The following BTD variants were observed in gnomAD, a reference collection of about 807,000 sequenced individuals.
The protein encoded by BTD is biotinidase, also known as biocytinase.
A neutral mutation model predicts 17.7 loss-of-function variants in BTD; 13 were observed. That is an observed-to-expected ratio of 0.74 (90% CI 0.48 to 1.17). The LOEUF (loss-of-function observed/expected upper bound fraction) is 1.17. Ranked by LOEUF, BTD falls within the 50% of genes most tolerant of loss-of-function variation. The pLI is 0.00. For synonymous variants in BTD, 240 were observed against 245.2 expected, an observed-to-expected ratio of 0.98 and a Z score of 0.20; for missense variants, 674 against 650.4, an observed-to-expected ratio of 1.04 and a Z score of -0.39.
chr3:15,706,360 G>T (rs1307662141), intron 3 of BTD, among the ~76,000 whole-genome samples: 1 of 68,390 alleles, frequency 1.5e-5, no homozygotes, highest in Non-Finnish European at 2.8e-5. Flanking sequence ...TTGTCCTTGC[G>T]ATAGTTTGCT....
rs1364992857 is a variant in BTD at position 15,652,378 on chromosome 3, G to T, written c.*6890G>T. 6.6e-6 allele frequency among the ~76,000 whole-genome samples: 1 copy of T among 152,038 alleles called. No individual in the cohort carries two copies. The highest frequency in any genetic ancestry group is 1.5e-5 in the Non-Finnish European group (1 of 68,008). On this transcript the variant is annotated 3_prime_UTR_variant, in exon 4 of 4. Coordinates refer to ENST00000643237, the MANE Select transcript of BTD (RefSeq NM_001370658.1). ...TCTTGGTTGCTCACTTGCTATCTTG[G>T]GTCCCTCCCTCTGGGGAAAGCCAGT...
intron 3 of BTD, among the ~76,000 whole-genome samples, chr3:15,692,435 G>A (rs1344432887): frequency 1.3e-5 from 2 of 152,184 alleles, no homozygotes; most frequent in Non-Finnish European, 2.9e-5. Flanking sequence ...GGATGACAGA[G>A]TGAGACAATG....
chr3:15,681,322 C>T (rs530004428), intron 3 of BTD, among the ~76,000 whole-genome samples: 3 of 152,232 alleles, frequency 2.0e-5, no homozygotes, highest in Admixed American at 6.5e-5. Context: ...TTGAATTCAC[C>T]GATGGGGGAC....
At position 15,602,114 on chromosome 3, in the gene BTD, C is replaced by T. The variant is rs2064277400; in HGVS notation, c.-17+220C>T. 3.5e-6 allele frequency: 5 copies of T among 1,430,862 alleles called. No homozygotes were observed. In the South Asian group the frequency reaches 7.6e-5, roughly 22 times the overall value. 88.6% of individuals were successfully genotyped at this position (1,430,862 alleles called of 1,614,324 possible). Reference sequence around the variant, plus strand: ...ACTTACACGCTTTGTGGTTTACGCTCTCATAACCTTGTGGTTTTATAGTCC... The same window carrying T: ...ACTTACACGCTTTGTGGTTTACGCTTTCATAACCTTGTGGTTTTATAGTCC... On this transcript the variant is annotated intron_variant, in intron 1 of 3. Transcript: ENST00000643237.
At position 15,648,060 on chromosome 3, in the gene BTD, T is replaced by G. The variant is rs1278513153; in HGVS notation, c.*2572T>G. 6.6e-6 allele frequency among the ~76,000 whole-genome samples: 1 copy of G among 151,988 alleles called. No homozygotes were observed. Among genetic ancestry groups the G allele is most frequent in the African/African-American group, 2.4e-5 (1 of 41,354 alleles). ...TACCTGTGCCCCCACCCCCCAGCCA[T>G]GGTATATTGAACCAGGAGGAGGCAC... On this transcript the variant is annotated 3_prime_UTR_variant, in exon 4 of 4. Transcript: ENST00000643237.
chr3:15,605,643 T>C (rs1370587660), intron 1 of BTD, among the ~76,000 whole-genome samples: 6 of 152,198 alleles, frequency 3.9e-5, no homozygotes, highest in Non-Finnish European at 8.8e-5. Context: ...TTTTAAATGT[T>C]AGATGAGTTT....
At chr3:15,601,700 C>A (rs757704191), upstream of BTD, 4 of 1,559,240 alleles carry the variant, frequency 2.6e-6, no homozygotes, top group Non-Finnish European at 3.5e-6. Context: ...CTCTTCTCGG[C>A]TCCTCCATTC....
Position 15,700,642 on chromosome 3 carries a change from C to T in BTD, c.400-9418C>T, listed in dbSNP as rs146421501. On this transcript the variant is annotated intron_variant, in intron 3 of 3. Transcript: ENST00000672141. ...TACAAAAATTAGCTGGGTGTGGTGG[C>T]GGGCGCCTGTAGTCCCAGCTACTCG... is the stretch of plus-strand genomic sequence containing the variant. 1.4e-3 allele frequency among the ~76,000 whole-genome samples: 206 copies of T among 151,942 alleles called. 1 individual carries two copies. Among genetic ancestry groups the T allele is most frequent in the Non-Finnish European group, 1.6e-3 (108 of 67,940 alleles).
Position 15,645,835 on chromosome 3 carries a change from GGTT to G in BTD, c.*348_*350del. 1 of 197,388 alleles carries G rather than the reference GGTT, an allele frequency of 5.1e-6. No homozygotes were observed. The highest frequency in any genetic ancestry group is 2.4e-5 in the African/African-American group (1 of 41,304). The allele number at this position is 197,388 out of a possible 1,614,324, so 12.2% of individuals were successfully genotyped here. A position where few individuals can be genotyped will look rare whatever the true frequency, so the allele number is the denominator to read the frequency against. On this transcript the variant is annotated 3_prime_UTR_variant, in exon 4 of 4. Transcript: ENST00000643237. ...ACACATCCACAAAGCAGTGGCTTGG[GGTT>G]TTTTTTTTTTTTTTTATCTTGTTGA...
chr3:15,662,821 T>C (rs1244652609), intron 3 of BTD, among the ~76,000 whole-genome samples: 2 of 148,888 alleles, frequency 1.3e-5, no homozygotes, highest in African/African-American at 4.9e-5. Context: ...TTTTTGTAGA[T>C]ACAGGGTTTC....
intron 3 of BTD, among the ~76,000 whole-genome samples, chr3:15,666,904 T>C (rs571944801): frequency 1.2e-3 from 181 of 152,358 alleles, no homozygotes; most frequent in Non-Finnish European, 2.4e-3. Flanking sequence ...TGTGATCTTA[T>C]TCTGTACCTT....
chr3:15,618,900 G>C (rs545458594), intron 1 of BTD, among the ~76,000 whole-genome samples: 1 of 152,348 alleles, frequency 6.6e-6, no homozygotes, highest in East Asian at 1.9e-4. Flanking sequence ...GTTTGCATAT[G>C]AACCTTGTAT....
chr3:15,636,576 T>C (rs976486463), intron 2 of BTD, among the ~76,000 whole-genome samples: 2 of 152,214 alleles, frequency 1.3e-5, no homozygotes, highest in Non-Finnish European at 2.9e-5. Context: ...AGCCCTGCTG[T>C]GCCTCAACAG....
rs1575032023 is a variant in BTD, at chr3:15,645,561, C to T, written c.*73C>T. 1.3e-6 allele frequency: 2 copies of T among 1,550,080 alleles called. No individual in the cohort carries two copies. Among genetic ancestry groups the T allele is most frequent in the Non-Finnish European group, 1.7e-6 (2 of 1,143,786 alleles). ...CCTTGCACTTCCACAGGCTACAAGC[C>T]CTGGGACCATCTTTCTGCCTTAAGG... On this transcript the variant is annotated 3_prime_UTR_variant, in exon 4 of 4. Transcript: ENST00000643237.
intron 3 of BTD, among the ~76,000 whole-genome samples, chr3:15,661,338 T>G (rs1389421682): frequency 3.3e-5 from 5 of 151,434 alleles, no homozygotes; most frequent in East Asian, 3.9e-4. Context: ...GCATTTGGTG[T>G]TGTCAGTGTT....
At chr3:15,713,973 G>A (rs2072667702), downstream of BTD, among the ~76,000 whole-genome samples, 2 of 152,164 alleles carry the variant, frequency 1.3e-5, no homozygotes, top group South Asian at 4.1e-4. Context: ...TGCATACTCT[G>A]TCATCAAGAC....
At chr3:15,665,879 C>T (rs761793805) in intron 3 of BTD, among the ~76,000 whole-genome samples, 1 of 152,186 alleles carries the variant, frequency 6.6e-6, no homozygotes, top group Non-Finnish European at 1.5e-5. Flanking sequence ...ATGGGAGCAA[C>T]TGGAAGCACA....
At position 15,649,778 on chromosome 3, in the gene BTD, A is replaced by G. The variant is rs1031245399; in HGVS notation, c.*4290A>G. 6.6e-6 allele frequency among the ~76,000 whole-genome samples: 1 copy of G among 152,140 alleles called. No homozygotes were observed. The highest frequency in any genetic ancestry group is 1.5e-5 in the Non-Finnish European group (1 of 68,032). On this transcript the variant is annotated 3_prime_UTR_variant, in exon 4 of 4. Coordinates refer to ENST00000643237, the MANE Select transcript of BTD (RefSeq NM_001370658.1). Reference sequence around the variant, plus strand: ...TCCACTTTTTGAACTGGTGTTTCCCATTCCCAGTTCACAGAGCCCTTTCTC... The same window carrying G: ...TCCACTTTTTGAACTGGTGTTTCCCGTTCCCAGTTCACAGAGCCCTTTCTC...
intron 2 of BTD, among the ~76,000 whole-genome samples, chr3:15,640,544 C>T (rs895930565): frequency 2.6e-5 from 4 of 152,084 alleles, no homozygotes; most frequent in African/African-American, 9.7e-5. Flanking sequence ...GTGCCCGCTA[C>T]CATGCCTGGC....
Sources: gnomAD v4.1 joint callset for allele counts (sites outside exome capture counted in the v4.1 genomes callset) on GRCh38, gnomAD v4.1.1 for gene constraint, MANE v1.5 for transcripts, NCBI Gene and HGNC (gene_info 2026-07-23, HGNC 2026-07-21) for gene names.